Variants in SRP54 observed in about 807,000 individuals in gnomAD.
SRP54 encodes signal recognition particle subunit SRP54.
SRP54 carries 10 observed loss-of-function variants against 64.8 expected under a neutral mutation model. That is an observed-to-expected ratio of 0.15 (90% CI 0.10 to 0.26). SRP54 has a LOEUF of 0.26. Among genes scored for constraint, SRP54 ranks in the 10% least tolerant of loss-of-function variants. The pLI is 1.00. For synonymous variants in SRP54, 193 were observed against 185.6 expected (o/e 1.04, Z -0.32); for missense variants, 325 against 613.7 (o/e 0.53, Z 4.97).
chr14:35,013,971 T>C, intron 10 of SRP54, 69 bp downstream of exon 10: 1 of 1,136,150 alleles, frequency 8.8e-7, no homozygotes, highest in Non-Finnish European at 1.3e-6. Flanking sequence ...CAAAATAGGA[T>C]TTTAATTCTG....
chr14:35,003,478 G>A (rs546834868), intron 4 of SRP54, among the ~76,000 whole-genome samples: 92 of 152,048 alleles, frequency 6.1e-4, no homozygotes, highest in African/African-American at 2.1e-3. Context: ...GGGCTCGAGC[G>A]ATCTTCTCTC....
Position 35,008,589 on chromosome 14 carries a change from T to G in SRP54, c.361-38T>G, listed in dbSNP as rs201049561. On this transcript the variant is annotated intron_variant, in intron 5 of 15. Transcript: ENST00000216774. ...AAAATTATATGTATAGTTTGTTATA[T>G]TTTATGATATTATATTTTTAAATCT... is the stretch of plus-strand genomic sequence containing the variant. The G allele has an allele frequency of 3.0e-4, 408 of 1,354,310 alleles. 3 individuals carry two copies. The highest frequency in any genetic ancestry group is 4.4e-5 in the Non-Finnish European group (44 of 1,008,062). The allele number at this position is 1,354,310 out of a possible 1,614,324, so 83.9% of individuals were successfully genotyped here. A position where few individuals can be genotyped will look rare whatever the true frequency, so the allele number is the denominator to read the frequency against.
intron 2 of SRP54, among the ~76,000 whole-genome samples, chr14:34,999,005 GT>G (rs2044125289): frequency 7.6e-5 from 7 of 91,750 alleles, no homozygotes; most frequent in African/African-American, 2.6e-4. Context: ...GTGTGTGTGT[GT>G]GTGTGTGGTT....
chr14:35,017,642 T>A (rs2044464981), intron 11 of SRP54, among the ~76,000 whole-genome samples: 1 of 151,454 alleles, frequency 6.6e-6, no homozygotes, highest in Non-Finnish European at 1.5e-5. Flanking sequence ...AAATACTTTC[T>A]CTTTTGGCTT....
rs1188048473 is a variant in SRP54, at chr14:35,018,769, A to G, written c.1047+4A>G. 3 of 1,610,732 alleles carry G rather than the reference A, an allele frequency of 1.9e-6. No homozygotes were observed. Among genetic ancestry groups the G allele is most frequent in the Non-Finnish European group, 2.5e-6 (3 of 1,178,606 alleles). ...GGGCCCCTTCAGTCAGATCTTGGTT[A>G]GTTATCCTTAAAACTTTATACCTTC... On this transcript the variant is annotated splice_donor_region_variant and intron_variant, in intron 12 of 15. Coordinates refer to ENST00000216774, the MANE Select transcript of SRP54 (RefSeq NM_003136.4).
At chr14:34,995,184 T>TA (rs1404239125) in intron 1 of SRP54, among the ~76,000 whole-genome samples, 40 of 102,374 alleles carry the variant, frequency 3.9e-4, no homozygotes, top group African/African-American at 1.2e-3. Flanking sequence ...TGTGTGTGTG[T>TA]GTGTAGAGAG....
In SRP54 at chr14:35,029,478, G is replaced by A. The variant is rs1475924900; in HGVS notation, c.*326G>A. 3 of 204,056 alleles carry A rather than the reference G, an allele frequency of 1.5e-5. No homozygotes were observed. Among genetic ancestry groups the A allele is most frequent in the Non-Finnish European group, 3.0e-5 (3 of 101,164 alleles). 12.6% of individuals were successfully genotyped at this position (204,056 alleles called of 1,614,324 possible). On this transcript the variant is annotated 3_prime_UTR_variant, in exon 16 of 16. Transcript: ENST00000216774. ...GGTTTTTAATTATCTCGAAGGCCAAGCATTGCATTTGTAAACAGTCCTGGT... is the reference window on the plus strand; with the variant it reads ...GGTTTTTAATTATCTCGAAGGCCAAACATTGCATTTGTAAACAGTCCTGGT...
At chr14:35,006,064 C>A (rs1289865975) in intron 4 of SRP54, among the ~76,000 whole-genome samples, 1 of 152,112 alleles carries the variant, frequency 6.6e-6, no homozygotes, top group African/African-American at 2.4e-5. Context: ...TGGTCTCAAT[C>A]TCCTGACCTT....
chr14:35,005,179 T>C (rs904813868), intron 4 of SRP54, among the ~76,000 whole-genome samples: 1 of 152,114 alleles, frequency 6.6e-6, no homozygotes, highest in African/African-American at 2.4e-5. Flanking sequence ...AAACAAATAC[T>C]AAAGTTAGCC....
intron 7 of SRP54, among the ~76,000 whole-genome samples, 195 bp from the exon 8 acceptor site, chr14:35,011,314 T>C (rs1022039616): frequency 3.9e-5 from 6 of 152,226 alleles, no homozygotes; most frequent in Admixed American, 1.3e-4. Flanking sequence ...GGTTTTGGAA[T>C]TGGAAAATTG....
intron 3 of SRP54, among the ~76,000 whole-genome samples, chr14:35,000,634 A>G (rs1351093354): frequency 2.0e-5 from 3 of 152,064 alleles, no homozygotes; most frequent in Non-Finnish European, 4.4e-5. Context: ...AAAGATATAT[A>G]AAATATATAA....
At chr14:34,996,179 T>C (rs2044070921) in intron 1 of SRP54, among the ~76,000 whole-genome samples, 2 of 152,210 alleles carry the variant, frequency 1.3e-5, no homozygotes, top group Admixed American at 1.3e-4. Flanking sequence ...AGCTGATAGC[T>C]GAACAGTTGC....
At chr14:34,988,936 CA>C (rs926005127) in intron 1 of SRP54, among the ~76,000 whole-genome samples, 4 of 151,918 alleles carry the variant, frequency 2.6e-5, no homozygotes, top group Admixed American at 1.3e-4. Context: ...ATACCTAATA[CA>C]AAATGTAAAT....
At chr14:35,023,787 A>AACACAC (rs57037784) in intron 14 of SRP54, among the ~76,000 whole-genome samples, 24,321 of 140,140 alleles carry the variant, frequency 0.17, 2,453 homozygotes, top group Non-Finnish European at 0.24. Context: ...CCGGTCCCCA[A>AACACAC]ACACACACAC....
At chr14:34,984,719 C>T (rs2043866947) in intron 1 of SRP54, among the ~76,000 whole-genome samples, 1 of 152,134 alleles carries the variant, frequency 6.6e-6, no homozygotes, top group African/African-American at 2.4e-5. Context: ...CCAGGTTGGT[C>T]TTGAACTCCT....
At chr14:35,020,907 T>G (rs74590021) in intron 13 of SRP54, among the ~76,000 whole-genome samples, 26,009 of 152,234 alleles carry the variant, frequency 0.17, 2,400 homozygotes, top group East Asian at 0.31. Context: ...TTTCCTGACT[T>G]CCTTCCTTCT....
At chr14:34,993,226 T>C (rs1457585932) in intron 1 of SRP54, 1 of 152,296 alleles carries the variant, frequency 6.6e-6, no homozygotes, top group South Asian at 2.1e-4. Flanking sequence ...TTAATTGTGG[T>C]GTCATAAATA....
chr14:35,011,350 G>T (rs932890443), intron 7 of SRP54, among the ~76,000 whole-genome samples, 159 bp from the exon 8 acceptor site: 2 of 152,140 alleles, frequency 1.3e-5, no homozygotes, highest in African/African-American at 2.4e-5. Context: ...TTTTTTAGAA[G>T]TAGATTCTGT....
chr14:35,019,331 T>G (rs762431620), intron 13 of SRP54: 1 of 261,200 alleles, frequency 3.8e-6, no homozygotes. Context: ...ATGATGTTCA[T>G]AGAGTTAACT....
Sources: gnomAD v4.1 joint callset for allele counts (sites outside exome capture counted in the v4.1 genomes callset) on GRCh38, gnomAD v4.1.1 for gene constraint, MANE v1.5 for transcripts, NCBI Gene and HGNC (gene_info 2026-07-23, HGNC 2026-07-21) for gene names.